The following MARCHF1 variants were observed in gnomAD, a reference collection of about 807,000 sequenced individuals.
MARCHF1 encodes the protein membrane associated ring-CH-type finger 1.
MARCHF1 carries 40 observed loss-of-function variants against 54.2 expected under a neutral mutation model. The ratio of observed to expected loss-of-function variants is 0.74; its 90% CI spans 0.57 to 0.96. The LOEUF is 0.96. Ranked by LOEUF, MARCHF1 falls within the 40% of genes least tolerant of loss-of-function variation. The probability of loss-of-function intolerance (pLI) is 0.00; values close to 1 mark genes in which losing one functional copy is unlikely to be tolerated. For synonymous variants in MARCHF1, 236 were observed against 236.3 expected, an observed-to-expected ratio of 1.00 and a Z score of 0.01; for missense variants, 586 against 656.5, an observed-to-expected ratio of 0.89 and a Z score of 1.17.
At chr4:163,893,414 C>G (rs1328174184) in intron 3 of MARCHF1, among the ~76,000 whole-genome samples, 2 of 152,168 alleles carry the variant, frequency 1.3e-5, no homozygotes, top group Non-Finnish European at 2.9e-5. Flanking sequence ...GCCAGGATTA[C>G]AGGCGTGAGC....
chr4:163,627,481 C>T (rs1194307476), intron 5 of MARCHF1, among the ~76,000 whole-genome samples: 3 of 152,114 alleles, frequency 2.0e-5, no homozygotes, highest in African/African-American at 7.2e-5. Context: ...TTAGGGTATA[C>T]ATTTGGAGCA....
intron 4 of MARCHF1, among the ~76,000 whole-genome samples, chr4:163,796,346 C>T (rs1747915778): frequency 6.6e-6 from 1 of 151,516 alleles, no homozygotes; most frequent in Admixed American, 6.6e-5. Flanking sequence ...CCTGCCTCAG[C>T]CTCCCGAGTA....
intron 2 of MARCHF1, among the ~76,000 whole-genome samples, chr4:164,052,140 T>TC: frequency 1.4e-5 from 1 of 71,350 alleles, no homozygotes. Context: ...TGGAAGTTTT[T>TC]TTTTTTGTTT....
intron 1 of MARCHF1, among the ~76,000 whole-genome samples, chr4:164,248,114 A>T (rs1190241258): frequency 6.6e-6 from 1 of 151,910 alleles, no homozygotes; most frequent in East Asian, 1.9e-4. Context: ...GAAAATTAGG[A>T]CCTATATTAT....
chr4:163,633,670 C>T (rs898256769), intron 5 of MARCHF1, among the ~76,000 whole-genome samples: 1 of 152,178 alleles, frequency 6.6e-6, no homozygotes. Flanking sequence ...GGAAAACACT[C>T]TGCAGGATAT....
At chr4:163,565,756 GA>G (rs1739625224) in intron 8 of MARCHF1, among the ~76,000 whole-genome samples, 1 of 152,102 alleles carries the variant, frequency 6.6e-6, no homozygotes, top group Non-Finnish European at 1.5e-5. Context: ...ATCCTGCTAA[GA>G]AAAATCTTAC....
chr4:163,865,674 T>C (rs1409482610), intron 3 of MARCHF1, among the ~76,000 whole-genome samples: 12 of 151,778 alleles, frequency 7.9e-5, no homozygotes, highest in Admixed American at 7.2e-4. Flanking sequence ...GAATATTTAA[T>C]ATAAATATTT....
intron 1 of MARCHF1, among the ~76,000 whole-genome samples, chr4:164,127,203 T>C (rs1756203272): frequency 6.6e-6 from 1 of 152,200 alleles, no homozygotes; most frequent in Non-Finnish European, 1.5e-5. Context: ...TTGTGAGTGA[T>C]GAAATTAGTA....
intron 1 of MARCHF1, among the ~76,000 whole-genome samples, chr4:164,350,588 C>T (rs7686924): frequency 0.44 from 66,448 of 152,000 alleles, 15,206 homozygotes; most frequent in Non-Finnish European, 0.5. Context: ...GCTATATACA[C>T]GTATCAAAAT....
chr4:163,936,207 G>T (rs1365722431), intron 3 of MARCHF1, among the ~76,000 whole-genome samples: 2 of 152,084 alleles, frequency 1.3e-5, no homozygotes, highest in East Asian at 3.9e-4. Flanking sequence ...AAAGATCACT[G>T]ATCACAGATC....
intron 1 of MARCHF1, among the ~76,000 whole-genome samples, chr4:164,278,864 C>T (rs960453966): frequency 6.6e-6 from 1 of 151,854 alleles, no homozygotes; most frequent in African/African-American, 2.4e-5. Context: ...TATTTTTTCC[C>T]CAGCGTTTAG....
chr4:164,187,848 T>C (rs992971150), intron 1 of MARCHF1, among the ~76,000 whole-genome samples: 1 of 152,234 alleles, frequency 6.6e-6, no homozygotes, highest in African/African-American at 2.4e-5. Context: ...TCAGCCTTGA[T>C]GGCAGACAGC....
At chr4:164,067,353 CA>C (rs1754752662) in intron 2 of MARCHF1, among the ~76,000 whole-genome samples, 1 of 152,190 alleles carries the variant, frequency 6.6e-6, no homozygotes, top group East Asian at 1.9e-4. Context: ...CTAGAGTAAA[CA>C]AAACAGCATG....
At chr4:163,880,526 TTTAAA>T (rs1160945323) in intron 3 of MARCHF1, among the ~76,000 whole-genome samples, 2 of 151,518 alleles carry the variant, frequency 1.3e-5, no homozygotes, top group African/African-American at 2.4e-5. Context: ...CTTTTAATCC[TTTAAA>T]TTATTACTAT....
chr4:163,555,915 GT>G, intron 8 of MARCHF1: 1 of 456,228 alleles, frequency 2.2e-6, no homozygotes. Flanking sequence ...CTGTGCCTAA[GT>G]GATCATAGCC....
At chr4:163,590,542 T>C (rs1400280063) in intron 7 of MARCHF1, among the ~76,000 whole-genome samples, 1 of 152,150 alleles carries the variant, frequency 6.6e-6, no homozygotes, top group African/African-American at 2.4e-5. Context: ...ATCCTCTTAA[T>C]ATACTGCCAC....
At chr4:163,992,168 A>G (rs986470969) in intron 2 of MARCHF1, among the ~76,000 whole-genome samples, 1 of 151,984 alleles carries the variant, frequency 6.6e-6, no homozygotes, top group Non-Finnish European at 1.5e-5. Flanking sequence ...AACCAAGTAA[A>G]CATCTGCTAA....
chr4:164,275,954 CTTT>C lies in MARCHF1; in HGVS notation c.-323+107913_-323+107915del, dbSNP rs1013218885. 3.9e-5 allele frequency among the ~76,000 whole-genome samples: 6 copies of C among 152,250 alleles called. No individual in the cohort carries two copies. The South Asian group carries it at 6.2e-4, about 16-fold the overall frequency. ...TCCATTACACTATTAATTTGTCATT[CTTT>C]TGTTTATATAGTCAATATCTCTATC... On this transcript the variant is annotated intron_variant, in intron 1 of 9. Coordinates refer to ENST00000514618, the MANE Select transcript of MARCHF1 (RefSeq NM_001394959.1).
In MARCHF1 at chr4:163,782,327, C is replaced by T. The variant is rs577776881; in HGVS notation, c.111+71694G>A. Among the ~76,000 whole-genome samples, 11 of 152,192 alleles carry T rather than the reference C, an allele frequency of 7.2e-5. No homozygotes were observed. The South Asian group carries it at 2.1e-3, about 29-fold the overall frequency. On this transcript the variant is annotated intron_variant, in intron 4 of 9. Coordinates refer to ENST00000514618, the MANE Select transcript of MARCHF1 (RefSeq NM_001394959.1). The stretch of plus-strand genomic sequence containing the variant: ...AGTCACAAAGCAGATTGACATTATC[C>T]AGCAATATGGCAATAGGCAATATAT...
Sources: gnomAD v4.1 joint callset for allele counts (sites outside exome capture counted in the v4.1 genomes callset) on GRCh38, gnomAD v4.1.1 for gene constraint, MANE v1.5 for transcripts, NCBI Gene and HGNC (gene_info 2026-07-23, HGNC 2026-07-21) for gene names.